SYTL5: variants seen among roughly 807,000 people sequenced by gnomAD.
The protein encoded by SYTL5 is synaptotagmin-like protein 5.
A neutral mutation model predicts 55.9 loss-of-function variants in SYTL5; 34 were observed. The ratio of observed to expected loss-of-function variants is 0.61; its 90% CI spans 0.46 to 0.81. The LOEUF is 0.81. Among genes scored for constraint, SYTL5 ranks in the 30% least tolerant of loss-of-function variants. The pLI is 0.00. For synonymous variants in SYTL5, 221 were observed against 188.7 expected (o/e 1.17, Z -1.40); for missense variants, 637 against 546.7 (o/e 1.17, Z -1.65).
chrX:37,891,570 CTG>C, the SYTL5 span, among the ~76,000 whole-genome samples: 1 of 111,462 alleles, frequency 9.0e-6, no homozygotes, highest in East Asian at 2.8e-4. Context: ...CTGTACAACT[CTG>C]TGAATATACT....
intron 1 of SYTL5, among the ~76,000 whole-genome samples, chrX:38,031,838 T>G (rs190916312): frequency 1.9e-4 from 21 of 112,297 alleles, no homozygotes; most frequent in Non-Finnish European, 3.6e-4. Flanking sequence ...CTTTTCAAAC[T>G]TGGAGCACTC....
At chrX:37,969,252 A>G in the SYTL5 span, among the ~76,000 whole-genome samples, 4 of 111,912 alleles carry the variant, frequency 3.6e-5, no homozygotes, top group Non-Finnish European at 7.5e-5. Context: ...TGGGGGAAAA[A>G]AATCCAAGGG....
chrX:37,976,431 C>T, the SYTL5 span, among the ~76,000 whole-genome samples: 3 of 111,136 alleles, frequency 2.7e-5, no homozygotes, highest in East Asian at 5.7e-4. Context: ...GATTATTAAG[C>T]CACAGAGGCC....
intron 13 of SYTL5, among the ~76,000 whole-genome samples, chrX:38,119,874 A>T (rs1937550656): frequency 8.9e-6 from 1 of 112,520 alleles, no homozygotes; most frequent in Non-Finnish European, 1.9e-5. Flanking sequence ...TTAACAGTTG[A>T]TGGCTGGCAG....
At chrX:37,896,769 C>T in the SYTL5 span, among the ~76,000 whole-genome samples, 6 of 112,129 alleles carry the variant, frequency 5.4e-5, no homozygotes, top group African/African-American at 1.9e-4. Flanking sequence ...AAAAGATGAG[C>T]TGAGCCAGTC....
At chrX:37,980,824 T>C in the SYTL5 span, among the ~76,000 whole-genome samples, 1 of 112,177 alleles carries the variant, frequency 8.9e-6, no homozygotes, top group African/African-American at 3.2e-5. Flanking sequence ...GTATATAGGA[T>C]GGAATCTCTA....
rs183140490 is a variant in SYTL5, at chrX:38,055,863, G to C, written c.329+1441G>C. 4.5e-4 allele frequency among the ~76,000 whole-genome samples: 50 copies of C among 111,473 alleles called. No homozygotes were observed. The Admixed American group carries it at 4.7e-3, about 11-fold the overall frequency. On this transcript the variant is annotated intron_variant, in intron 3 of 16. Coordinates refer to ENST00000297875, the MANE Select transcript of SYTL5 (RefSeq NM_138780.3). The stretch of plus-strand genomic sequence containing the variant: ...TACATAGCAGGTATATATATTTATG[G>C]GGTACATGAGATATTTTGATACAGG...
intron 1 of SYTL5, among the ~76,000 whole-genome samples, chrX:38,030,996 T>C (rs951011885): frequency 8.9e-6 from 1 of 111,769 alleles, no homozygotes; most frequent in African/African-American, 3.3e-5. Flanking sequence ...TTTGTTTTTT[T>C]TAGGGACCTG....
the SYTL5 span, among the ~76,000 whole-genome samples, chrX:37,963,990 A>G: frequency 9.0e-5 from 10 of 111,348 alleles, no homozygotes; most frequent in Admixed American, 1.9e-4. Context: ...TGTGATTTTT[A>G]TCCTTTATTC....
chrX:38,113,418 T>C (rs1196587599), intron 13 of SYTL5, among the ~76,000 whole-genome samples: 1 of 112,168 alleles, frequency 8.9e-6, no homozygotes, highest in Non-Finnish European at 1.9e-5. Flanking sequence ...GGCTCTCTCT[T>C]TTTTTGGCAG....
the SYTL5 span, among the ~76,000 whole-genome samples, chrX:37,895,454 T>TTCCTTCCTTCCTTCCCTCCC: frequency 1.2e-5 from 1 of 82,836 alleles, no homozygotes; most frequent in South Asian, 5.3e-4. Context: ...CCTTCCTTCC[T>TTCCTTCCTTCCTTCCCTCCC]TCCCTCCCTC....
At chrX:37,991,271 G>C in the SYTL5 span, 4 of 1,128,569 alleles carry the variant, frequency 3.5e-6, no homozygotes, top group Non-Finnish European at 4.7e-6. Flanking sequence ...AGGAATATCT[G>C]CTGTTGTCAT....
intron 13 of SYTL5, among the ~76,000 whole-genome samples, chrX:38,118,436 TC>T (rs1290268103): frequency 1.8e-5 from 2 of 111,379 alleles, no homozygotes; most frequent in African/African-American, 6.5e-5. Flanking sequence ...CATTCTGCCC[TC>T]TCTGAGAGAG....
At chrX:37,917,038 T>G in the SYTL5 span, among the ~76,000 whole-genome samples, 1 of 111,768 alleles carries the variant, frequency 8.9e-6, no homozygotes, top group African/African-American at 3.2e-5. Flanking sequence ...AGTCCATAAC[T>G]GGGATTTGTC....
the SYTL5 span, among the ~76,000 whole-genome samples, chrX:37,932,079 G>A: frequency 2.9e-3 from 324 of 112,083 alleles, 1 homozygote; most frequent in African/African-American, 9.7e-3. Flanking sequence ...ATTTTTAAAA[G>A]TAAATTTTAA....
chrX:38,115,475 C>T (rs1203973150), intron 13 of SYTL5, among the ~76,000 whole-genome samples: 1 of 70,993 alleles, frequency 1.4e-5, no homozygotes, highest in Non-Finnish European at 2.5e-5. Context: ...CAGAGCGAGA[C>T]TCCGTCTCAA....
intron 9 of SYTL5, among the ~76,000 whole-genome samples, chrX:38,102,092 A>G (rs1228428789): frequency 9.1e-6 from 1 of 110,454 alleles, no homozygotes; most frequent in Non-Finnish European, 1.9e-5. Context: ...TCCAAATTTC[A>G]TGTTCTTTCA....
chrX:37,924,479 A>G, the SYTL5 span, among the ~76,000 whole-genome samples: 1 of 111,548 alleles, frequency 9.0e-6, no homozygotes, highest in South Asian at 3.8e-4. Flanking sequence ...AAACTGACCA[A>G]ATAGATGTAA....
chrX:38,106,795 G>A, intron 11 of SYTL5, 24 bp downstream of exon 11: 1 of 1,132,332 alleles, frequency 8.8e-7, no homozygotes, highest in Non-Finnish European at 1.2e-6. Context: ...ATGTTCCTCA[G>A]ACTATTTCAG....
Sources: gnomAD v4.1 joint callset for allele counts (sites outside exome capture counted in the v4.1 genomes callset) on GRCh38, gnomAD v4.1.1 for gene constraint, MANE v1.5 for transcripts, NCBI Gene and HGNC (gene_info 2026-07-23, HGNC 2026-07-21) for gene names.